The following NAV3 variants were observed in gnomAD, a reference collection of about 807,000 sequenced individuals.
NAV3 encodes neuron navigator 3.
A neutral mutation model predicts 244.7 loss-of-function variants in NAV3; 87 were observed. The observed-to-expected ratio is 0.36, with a 90% CI of 0.30 to 0.42. NAV3 has a LOEUF of 0.42. Among genes scored for constraint, NAV3 ranks in the 20% least tolerant of loss-of-function variants. The pLI is 1.00. For missense variants in NAV3, 2,663 were observed against 2,893.3 expected (o/e 0.92, Z 1.83); for synonymous variants, 1,126 against 1,042.2 (o/e 1.08, Z -1.55).
chr12:77,860,789 T>C (rs1056453224), intron 1 of NAV3, among the ~76,000 whole-genome samples: 2 of 151,918 alleles, frequency 1.3e-5, no homozygotes, highest in African/African-American at 2.4e-5. Context: ...GTTTCTCATA[T>C]GATTTTGAGT....
intron 2 of NAV3, among the ~76,000 whole-genome samples, chr12:77,607,362 C>T (rs1870715687): frequency 6.6e-6 from 1 of 152,038 alleles, no homozygotes; most frequent in African/African-American, 2.4e-5. Context: ...ACAAGGGATG[C>T]ACTTTCTTTT....
intron 2 of NAV3, among the ~76,000 whole-genome samples, chr12:77,775,343 G>A (rs1461988599): frequency 6.6e-6 from 1 of 150,422 alleles, no homozygotes; most frequent in Non-Finnish European, 1.5e-5. Context: ...AGTGAGCCGA[G>A]ATTGCACCAT....
chr12:77,600,296 T>A (rs1007843093), intron 2 of NAV3, among the ~76,000 whole-genome samples: 4 of 151,914 alleles, frequency 2.6e-5, no homozygotes, highest in Admixed American at 6.6e-5. Context: ...GAACCACTGA[T>A]GTGCTAGGCT....
At chr12:78,188,060 T>C (rs1420492245) in intron 31 of NAV3, among the ~76,000 whole-genome samples, 188 bp from the exon 32 acceptor site, 5 of 151,932 alleles carry the variant, frequency 3.3e-5, no homozygotes, top group Non-Finnish European at 5.9e-5. Context: ...ATTTGTTTGG[T>C]TGGTTAGTTG....
intron 2 of NAV3, among the ~76,000 whole-genome samples, chr12:77,721,031 C>T (rs1201387036): frequency 6.6e-6 from 1 of 152,032 alleles, no homozygotes; most frequent in African/African-American, 2.4e-5. Context: ...TATTTGTTTG[C>T]TTATTTTTGT....
intron 37 of NAV3, 42 bp downstream of exon 37, chr12:78,199,573 C>A (rs2140017797): frequency 6.9e-7 from 1 of 1,446,388 alleles, no homozygotes; most frequent in Admixed American, 2.4e-5. Flanking sequence ...CAGGAACTAA[C>A]AGTGCTTGGT....
chr12:77,987,401 G>A (rs937483798), intron 5 of NAV3, among the ~76,000 whole-genome samples: 3 of 152,188 alleles, frequency 2.0e-5, no homozygotes. Flanking sequence ...TGGTTGTATA[G>A]TATAACCTTT....
At chr12:78,142,088 ATAGC>A (rs1956639845) in intron 20 of NAV3, among the ~76,000 whole-genome samples, 1 of 152,148 alleles carries the variant, frequency 6.6e-6, no homozygotes, top group Non-Finnish European at 1.5e-5. Flanking sequence ...ACATTTCAAA[ATAGC>A]TAGAAAAGAA....
chr12:77,821,160 C>T (rs945190658), intron 2 of NAV3, among the ~76,000 whole-genome samples: 12 of 151,746 alleles, frequency 7.9e-5, no homozygotes, highest in African/African-American at 2.9e-4. Flanking sequence ...GCTGCATGAT[C>T]TGAAAAAGAC....
intron 13 of NAV3, among the ~76,000 whole-genome samples, chr12:78,117,158 C>CAT (rs377148138): frequency 0.024 from 1,685 of 70,114 alleles, 32 homozygotes; most frequent in South Asian, 0.046. Flanking sequence ...ACAGAAGCAG[C>CAT]ATATATATAT....
At chr12:77,576,820 G>C (rs1190928204) in intron 2 of NAV3, among the ~76,000 whole-genome samples, 2 of 151,906 alleles carry the variant, frequency 1.3e-5, no homozygotes, top group Non-Finnish European at 2.9e-5. Context: ...CTTAAAGAAT[G>C]GCCTCATTAA....
intron 2 of NAV3, among the ~76,000 whole-genome samples, chr12:77,665,302 C>T (rs1873667077): frequency 6.6e-6 from 1 of 152,180 alleles, no homozygotes; most frequent in African/African-American, 2.4e-5. Context: ...AAACCCAATT[C>T]TAATACTTCC....
At chr12:77,642,206 A>G (rs1306525683) in intron 2 of NAV3, among the ~76,000 whole-genome samples, 4 of 152,080 alleles carry the variant, frequency 2.6e-5, no homozygotes. Context: ...GTTTCCAGTA[A>G]ACAAAATCTC....
rs901436713 is a variant in NAV3, at chr12:78,210,734, T to C, written c.*217T>C. The C allele has an allele frequency of 9.1e-6, 5 of 551,376 alleles. No homozygotes were observed. The African/African-American group carries it at 9.5e-5, about 11-fold the overall frequency. The allele number at this position is 551,376 out of a possible 1,614,324, so 34.2% of individuals were successfully genotyped here. A position where few individuals can be genotyped will look rare whatever the true frequency, so the allele number is the denominator to read the frequency against. On this transcript the variant is annotated 3_prime_UTR_variant, in exon 40 of 40. Transcript: ENST00000397909. Reference sequence around the variant, plus strand: ...AGTTTATTTCTAAGCATTTTTTATATCTGTGGAGTAATAGAAAGCTCCATT... The same window carrying C: ...AGTTTATTTCTAAGCATTTTTTATACCTGTGGAGTAATAGAAAGCTCCATT...
intron 2 of NAV3, among the ~76,000 whole-genome samples, chr12:77,808,289 T>C (rs1469375273): frequency 1.3e-5 from 2 of 152,262 alleles, no homozygotes; most frequent in African/African-American, 4.8e-5. Context: ...CTTTTTGTGC[T>C]GATTTTTCCT....
At chr12:77,998,991 T>C (rs928407275) in intron 7 of NAV3, among the ~76,000 whole-genome samples, 1 of 152,216 alleles carries the variant, frequency 6.6e-6, no homozygotes, top group Non-Finnish European at 1.5e-5. Context: ...ATTTGTTTTG[T>C]TTTCTTGAAT....
chr12:78,194,758 T>A (rs1959130125), intron 34 of NAV3, among the ~76,000 whole-genome samples: 1 of 152,114 alleles, frequency 6.6e-6, no homozygotes, highest in Non-Finnish European at 1.5e-5. Context: ...ATTCTTAGCT[T>A]TTTTCCTACA....
chr12:78,122,975 A>G (rs931252223), intron 16 of NAV3, among the ~76,000 whole-genome samples: 3 of 151,688 alleles, frequency 2.0e-5, no homozygotes, highest in African/African-American at 4.8e-5. Context: ...TGTCAGTGCC[A>G]TTTTCAATAG....
intron 1 of NAV3, among the ~76,000 whole-genome samples, chr12:77,873,744 G>GTGTGTGTATATATATATATATA (rs776225440): frequency 1.5e-4 from 11 of 73,176 alleles, no homozygotes; most frequent in Non-Finnish European, 2.3e-4. Flanking sequence ...ATGTGTGTGT[G>GTGTGTGTATATATATATATATA]TATATATATA....
Sources: allele counts gnomAD v4.1 joint callset (sites outside exome capture counted in the v4.1 genomes callset), GRCh38; gene constraint gnomAD v4.1.1; transcripts MANE v1.5; gene names NCBI Gene and HGNC (gene_info 2026-07-23, HGNC 2026-07-21).